CDH13: variants seen among roughly 807,000 people sequenced by gnomAD.
CDH13 encodes cadherin 13.
CDH13 carries 24 observed loss-of-function variants against 63.8 expected under a neutral mutation model. The observed-to-expected ratio is 0.38, with a 90% CI of 0.27 to 0.53. The LOEUF (loss-of-function observed/expected upper bound fraction) is 0.53, where lower values mean the gene tolerates loss of function less well. Ranked by LOEUF, CDH13 falls within the 20% of genes least tolerant of loss-of-function variation. The pLI, the probability that CDH13 is intolerant of heterozygous loss-of-function variation, is 0.85. For synonymous variants in CDH13, 503 were observed against 355.3 expected (o/e 1.42, Z -4.67); for missense variants, 1,049 against 903.1 (o/e 1.16, Z -2.07).
intron 1 of CDH13, among the ~76,000 whole-genome samples, chr16:82,628,454 C>T (rs1179866078): frequency 2.0e-5 from 3 of 152,036 alleles, no homozygotes; most frequent in Non-Finnish European, 2.9e-5. Flanking sequence ...TAAGGGAGAC[C>T]ACTGTTAGAG....
chr16:83,049,804 A>C (rs982906218), intron 3 of CDH13, among the ~76,000 whole-genome samples: 1 of 152,154 alleles, frequency 6.6e-6, no homozygotes, highest in African/African-American at 2.4e-5. Flanking sequence ...CACTGCTACC[A>C]ACCTGTGTGC....
intron 3 of CDH13, among the ~76,000 whole-genome samples, chr16:83,120,314 A>C (rs1018544311): frequency 6.6e-6 from 1 of 152,204 alleles, no homozygotes; most frequent in Non-Finnish European, 1.5e-5. Flanking sequence ...GGAGGACACC[A>C]GAGGTAGGAT....
chr16:83,710,246 G>A (rs1907814363), intron 10 of CDH13: 1 of 152,220 alleles, frequency 6.6e-6, no homozygotes, highest in Non-Finnish European at 1.5e-5. Context: ...TGCTTAGGTG[G>A]AGAAATCCTG....
chr16:83,628,457 T>G (rs1337006195), intron 8 of CDH13, among the ~76,000 whole-genome samples: 1 of 152,196 alleles, frequency 6.6e-6, no homozygotes, highest in Non-Finnish European at 1.5e-5. Flanking sequence ...CTGTCTCCAC[T>G]GATAAGTCAC....
intron 4 of CDH13, among the ~76,000 whole-genome samples, chr16:83,169,949 C>T (rs911375031): frequency 6.6e-5 from 10 of 152,070 alleles, no homozygotes; most frequent in African/African-American, 1.7e-4. Flanking sequence ...ATCTTACTTT[C>T]GATGTATGGT....
intron 2 of CDH13, among the ~76,000 whole-genome samples, chr16:83,013,947 C>T (rs939281249): frequency 2.0e-5 from 3 of 152,164 alleles, no homozygotes; most frequent in Non-Finnish European, 4.4e-5. Flanking sequence ...AAAGAAACAT[C>T]AGCCTCATCT....
In CDH13 at chr16:83,486,575, C is replaced by G. The variant is rs1486275222; in HGVS notation, c.880C>G (p.Pro294Ala). Residue 294 changes from proline to alanine, a missense_variant, in exon 7 of 14, where the codon CCA (proline) becomes GCA (alanine). Coordinates refer to ENST00000567109, the MANE Select transcript of CDH13 (RefSeq NM_001257.5). ...YNIRQQTPDK[P>A]SPNMFYIDPE... Reference sequence around the variant, plus strand: ...TATCCGTCAGCAGACGCCTGACAAGCCATCTCCCAACATGTTCTACATCGA... The same window carrying G: ...TATCCGTCAGCAGACGCCTGACAAGGCATCTCCCAACATGTTCTACATCGA... 1 of 1,613,928 alleles carries G rather than the reference C, an allele frequency of 6.2e-7. No homozygotes were observed. Among genetic ancestry groups the G allele is most frequent in the Non-Finnish European group, 8.5e-7 (1 of 1,179,810 alleles).
intron 1 of CDH13, among the ~76,000 whole-genome samples, chr16:82,732,923 A>T (rs1417979263): frequency 6.6e-6 from 1 of 152,196 alleles, no homozygotes; most frequent in Non-Finnish European, 1.5e-5. Context: ...TGGAATTTAA[A>T]TTTAAGTTTA....
At chr16:82,702,086 T>G (rs986525288) in intron 1 of CDH13, among the ~76,000 whole-genome samples, 2 of 152,326 alleles carry the variant, frequency 1.3e-5, no homozygotes, top group Non-Finnish European at 1.5e-5. Flanking sequence ...TGTCCTTGAA[T>G]GCGAAGAACC....
At chr16:83,672,893 G>C (rs192204625) in intron 9 of CDH13, among the ~76,000 whole-genome samples, 1 of 152,196 alleles carries the variant, frequency 6.6e-6, no homozygotes, top group Non-Finnish European at 1.5e-5. Flanking sequence ...GACTAGCCAC[G>C]GAGGACAGCC....
At chr16:83,435,459 A>G (rs1314021220) in intron 6 of CDH13, among the ~76,000 whole-genome samples, 1 of 152,034 alleles carries the variant, frequency 6.6e-6, no homozygotes, top group African/African-American at 2.4e-5. Flanking sequence ...AGCAACATCT[A>G]ACTCTGATGT....
At chr16:83,274,037 C>G (rs1257535462) in intron 5 of CDH13, among the ~76,000 whole-genome samples, 1 of 152,202 alleles carries the variant, frequency 6.6e-6, no homozygotes, top group Non-Finnish European at 1.5e-5. Context: ...TGGGGTTAAG[C>G]TCTCTTCCAG....
chr16:83,695,197 ACT>A (rs1905258722), intron 10 of CDH13, among the ~76,000 whole-genome samples: 3 of 152,136 alleles, frequency 2.0e-5, no homozygotes, highest in South Asian at 4.2e-4. Context: ...ACAGACTGAG[ACT>A]CTGTTTCAAA....
intron 7 of CDH13, among the ~76,000 whole-genome samples, chr16:83,511,094 A>ACTCACATGCACACG (rs147339336): frequency 6.6e-6 from 1 of 151,222 alleles, no homozygotes; most frequent in East Asian, 1.9e-4. Context: ...GCACACACAC[A>ACTCACATGCACACG]TGCACACATG....
At chr16:83,325,760 C>A (rs998365875) in intron 5 of CDH13, among the ~76,000 whole-genome samples, 1 of 152,116 alleles carries the variant, frequency 6.6e-6, no homozygotes, top group Non-Finnish European at 1.5e-5. Context: ...TCTCAGGGAA[C>A]AAATACCTTA....
At chr16:83,354,467 G>T (rs979330778) in intron 6 of CDH13, among the ~76,000 whole-genome samples, 4 of 152,212 alleles carry the variant, frequency 2.6e-5, no homozygotes, top group African/African-American at 9.7e-5. Flanking sequence ...AGACCATTTA[G>T]AACTCTATTC....
At chr16:83,275,590 G>C (rs893984195) in intron 5 of CDH13, among the ~76,000 whole-genome samples, 2 of 152,078 alleles carry the variant, frequency 1.3e-5, no homozygotes, top group African/African-American at 4.8e-5. Flanking sequence ...TATAGGAGGG[G>C]CTTAAGGAGG....
At chr16:82,966,789 C>T (rs1013013764) in intron 2 of CDH13, among the ~76,000 whole-genome samples, 1 of 152,162 alleles carries the variant, frequency 6.6e-6, no homozygotes, top group East Asian at 1.9e-4. Flanking sequence ...CTCGATGCCC[C>T]TTTTCCCCTC....
chr16:83,701,113 C>T lies in CDH13; in HGVS notation c.1538+22652C>T, dbSNP rs3784951. Among the ~76,000 whole-genome samples, 96 of 152,194 alleles carry T rather than the reference C, an allele frequency of 6.3e-4. 1 individual carries two copies. In the East Asian group the frequency reaches 0.016, roughly 26 times the overall value. On this transcript the variant is annotated intron_variant, in intron 10 of 13. Coordinates refer to ENST00000567109, the MANE Select transcript of CDH13 (RefSeq NM_001257.5). ...TGAGTGCTCCAGCAGTGAGGGATCT[C>T]GGCTGCAGGTTACATTCCTTGCCGA...
Sources: allele counts gnomAD v4.1 joint callset (sites outside exome capture counted in the v4.1 genomes callset), GRCh38; gene constraint gnomAD v4.1.1; transcripts MANE v1.5; gene names NCBI Gene and HGNC (gene_info 2026-07-23, HGNC 2026-07-21).